ELAPOR2: variants seen among roughly 807,000 people sequenced by gnomAD.
ELAPOR2 encodes the protein endosome/lysosome-associated apoptosis and autophagy regulator family member 2.
ELAPOR2 carries 89 observed loss-of-function variants against 120.7 expected under a neutral mutation model. The observed-to-expected ratio is 0.74, with a 90% CI of 0.62 to 0.88. The LOEUF (loss-of-function observed/expected upper bound fraction) is 0.88. ELAPOR2 is among the 40% of genes least tolerant of loss of function. The probability of loss-of-function intolerance (pLI) is 0.00; values close to 1 mark genes in which losing one functional copy is unlikely to be tolerated. For synonymous variants in ELAPOR2, 444 were observed against 444.9 expected, an observed-to-expected ratio of 1.00 and a Z score of 0.03; for missense variants, 1,134 against 1,251.6, an observed-to-expected ratio of 0.91 and a Z score of 1.42.
chr7:86,938,031 G>A, intron 8 of ELAPOR2, 95 bp downstream of exon 8: 1 of 914,236 alleles, frequency 1.1e-6, no homozygotes, highest in East Asian at 2.7e-5. Flanking sequence ...ACATACGTGT[G>A]TCATAAATAT....
At position 86,933,201 on chromosome 7, in the gene ELAPOR2, T is replaced by C. The variant is rs1584366477; in HGVS notation, c.1089+4925A>G. Among the ~76,000 whole-genome samples the C allele has an allele frequency of 4.6e-5, 7 of 151,902 alleles. No homozygotes were observed. The South Asian group carries it at 1.4e-3, about 31-fold the overall frequency. ...AAATCAAACATTTTATGTATGATTC[T>C]TCAATTAGTCATATATCCACTTAAC... On this transcript the variant is annotated intron_variant, in intron 8 of 21. Coordinates refer to ENST00000450689, the MANE Select transcript of ELAPOR2 (RefSeq NM_001142749.3).
At chr7:86,899,718 G>A (rs565577393) in intron 18 of ELAPOR2, among the ~76,000 whole-genome samples, 3 of 152,192 alleles carry the variant, frequency 2.0e-5, no homozygotes, top group Middle Eastern at 3.4e-3. Flanking sequence ...AGAGGTGGTG[G>A]GATGTGAATA....
chr7:87,042,168 T>A (rs1336617455), intron 1 of ELAPOR2, among the ~76,000 whole-genome samples: 1 of 150,222 alleles, frequency 6.7e-6, no homozygotes, highest in African/African-American at 2.5e-5. Context: ...AATGGGAGAC[T>A]TTAACACCCC....
chr7:87,043,095 G>C (rs983675177), intron 1 of ELAPOR2, among the ~76,000 whole-genome samples: 13 of 151,892 alleles, frequency 8.6e-5, no homozygotes, highest in African/African-American at 2.7e-4. Context: ...CCAATAACAG[G>C]AGCTGAAATT....
intron 12 of ELAPOR2, among the ~76,000 whole-genome samples, chr7:86,915,919 T>C (rs1789550843): frequency 6.6e-6 from 1 of 152,052 alleles, no homozygotes; most frequent in African/African-American, 2.4e-5. Flanking sequence ...TCATAATATA[T>C]TGATGGTGCT....
intron 2 of ELAPOR2, 72 bp downstream of exon 2, chr7:86,964,832 T>A: frequency 6.7e-7 from 1 of 1,488,724 alleles, no homozygotes; most frequent in Non-Finnish European, 9.1e-7. Flanking sequence ...TCATTATAAT[T>A]AACATCTAGG....
At chr7:87,025,275 C>T (rs1794207435) in intron 1 of ELAPOR2, among the ~76,000 whole-genome samples, 1 of 152,122 alleles carries the variant, frequency 6.6e-6, no homozygotes, top group African/African-American at 2.4e-5. Context: ...CATCAAGCTA[C>T]ATTCTCTGCC....
At chr7:87,011,365 C>A (rs117480190) in intron 1 of ELAPOR2, among the ~76,000 whole-genome samples, 4,349 of 152,212 alleles carry the variant, frequency 0.029, 92 homozygotes, top group Middle Eastern at 0.051. Flanking sequence ...GAGAACCTTT[C>A]CTAGACTGAA....
In ELAPOR2 at chr7:86,949,169, G is replaced by A. The variant is rs192492579; in HGVS notation, c.311-1247C>T. On this transcript the variant is annotated intron_variant, in intron 2 of 21. Transcript: ENST00000450689. ...CAACATCCCCAAATCAGTAAAACATGAGAAAATAAAAAAAGATTATGCAAA... is the reference window on the plus strand; with the variant it reads ...CAACATCCCCAAATCAGTAAAACATAAGAAAATAAAAAAAGATTATGCAAA... 7.2e-5 allele frequency among the ~76,000 whole-genome samples: 11 copies of A among 152,242 alleles called. 1 individual carries two copies. The highest frequency in any genetic ancestry group is 7.2e-4 in the Admixed American group (11 of 15,304).
intron 1 of ELAPOR2, among the ~76,000 whole-genome samples, chr7:87,054,476 T>A (rs927650791): frequency 3.3e-5 from 5 of 152,232 alleles, no homozygotes; most frequent in Admixed American, 6.5e-5. Flanking sequence ...CAGGAAAGAT[T>A]AGTTACGTTA....
At chr7:86,909,588 T>C (rs1789197411) in intron 16 of ELAPOR2, among the ~76,000 whole-genome samples, 1 of 152,062 alleles carries the variant, frequency 6.6e-6, no homozygotes, top group Non-Finnish European at 1.5e-5. Context: ...CCTCAGAAAA[T>C]GTCATACTTA....
chr7:86,886,799 C>G (rs2115778123), intron 21 of ELAPOR2, among the ~76,000 whole-genome samples: 1 of 152,256 alleles, frequency 6.6e-6, no homozygotes, highest in Non-Finnish European at 1.5e-5. Context: ...CGGCTCAAAA[C>G]AAAACCACTG....
At chr7:86,965,100 A>T (rs1791857280) in intron 1 of ELAPOR2, 76 bp from the exon 2 acceptor site, 21 of 1,483,854 alleles carry the variant, frequency 1.4e-5, no homozygotes, top group Non-Finnish European at 1.9e-5. Context: ...TATCACCCCA[A>T]GCCCCTGTTT....
chr7:86,976,503 T>G (rs1792288780), intron 1 of ELAPOR2, among the ~76,000 whole-genome samples: 1 of 152,124 alleles, frequency 6.6e-6, no homozygotes, highest in Admixed American at 6.6e-5. Flanking sequence ...TAAACCACTA[T>G]CTGAACTAAA....
intron 1 of ELAPOR2, among the ~76,000 whole-genome samples, chr7:87,004,087 T>C (rs1793399185): frequency 6.6e-6 from 1 of 152,156 alleles, no homozygotes; most frequent in Non-Finnish European, 1.5e-5. Flanking sequence ...AATTAAAACA[T>C]ATTAACAGCA....
intron 1 of ELAPOR2, among the ~76,000 whole-genome samples, chr7:87,049,776 C>A (rs1055604952): frequency 2.0e-5 from 3 of 151,952 alleles, no homozygotes; most frequent in African/African-American, 7.3e-5. Context: ...CTGGCTGATG[C>A]AAAATGAAAA....
At chr7:86,952,819 A>G (rs2116416582) in intron 2 of ELAPOR2, among the ~76,000 whole-genome samples, 1 of 152,196 alleles carries the variant, frequency 6.6e-6, no homozygotes, top group African/African-American at 2.4e-5. Context: ...TTTAGGCTGG[A>G]CTCAGTGGCT....
intron 1 of ELAPOR2, among the ~76,000 whole-genome samples, chr7:87,034,182 T>C (rs75976623): frequency 0.019 from 2,959 of 152,254 alleles, 88 homozygotes; most frequent in African/African-American, 0.067. Context: ...AGAGGCAGTA[T>C]AGTCTGATGG....
At chr7:87,058,741 C>A (rs1795338660) in intron 1 of ELAPOR2, among the ~76,000 whole-genome samples, 1 of 152,176 alleles carries the variant, frequency 6.6e-6, no homozygotes, top group Admixed American at 6.5e-5. Context: ...CTACCAAGTA[C>A]ATACTCCTTT....
Sources: allele counts gnomAD v4.1 joint callset (sites outside exome capture counted in the v4.1 genomes callset), GRCh38; gene constraint gnomAD v4.1.1; transcripts MANE v1.5; gene names NCBI Gene and HGNC (gene_info 2026-07-23, HGNC 2026-07-21).